Variants in EEFSEC observed in about 807,000 individuals in gnomAD.
EEFSEC encodes the protein selenocysteine-specific elongation factor.
EEFSEC carries 43 observed loss-of-function variants against 42.1 expected under a neutral mutation model. That is an observed-to-expected ratio of 1.02 (90% CI 0.80 to 1.32). The LOEUF is 1.32. EEFSEC is among the 40% of genes most tolerant of loss of function. The probability of loss-of-function intolerance (pLI) is 0.00; values close to 1 mark genes in which losing one functional copy is unlikely to be tolerated. For synonymous variants in EEFSEC, 354 were observed against 339.1 expected, an observed-to-expected ratio of 1.04 and a Z score of -0.48; for missense variants, 745 against 803.6, an observed-to-expected ratio of 0.93 and a Z score of 0.88.
chr3:128,197,345 A>G (rs1406885016), intron 1 of EEFSEC, among the ~76,000 whole-genome samples: 2 of 152,124 alleles, frequency 1.3e-5, no homozygotes, highest in African/African-American at 4.8e-5. Context: ...ATCTCGGCTC[A>G]CTGCAACCTC....
intron 4 of EEFSEC, among the ~76,000 whole-genome samples, chr3:128,294,849 G>A (rs1178670932): frequency 6.6e-6 from 1 of 152,208 alleles, no homozygotes; most frequent in Non-Finnish European, 1.5e-5. Flanking sequence ...GTTCGAATTA[G>A]AATTGTCATG....
At chr3:128,400,836 C>G in intron 6 of EEFSEC, among the ~76,000 whole-genome samples, 1 of 152,236 alleles carries the variant, frequency 6.6e-6, no homozygotes, top group East Asian at 1.9e-4. Flanking sequence ...TTACCCCAGC[C>G]CAAGCCAGGA....
chr3:128,394,016 G>T (rs561411530), intron 6 of EEFSEC, among the ~76,000 whole-genome samples: 13 of 152,304 alleles, frequency 8.5e-5, no homozygotes, highest in African/African-American at 2.9e-4. Context: ...GCGGTGGCGG[G>T]GGCGGGGGGT....
intron 6 of EEFSEC, among the ~76,000 whole-genome samples, chr3:128,399,099 T>TAAATA (rs200688144): frequency 4.1e-4 from 49 of 120,824 alleles, no homozygotes; most frequent in Non-Finnish European, 6.7e-4. Flanking sequence ...AATAAATAAA[T>TAAATA]AAATAAAATA....
chr3:128,212,928 G>A (rs2065773842), intron 1 of EEFSEC, among the ~76,000 whole-genome samples: 1 of 152,242 alleles, frequency 6.6e-6, no homozygotes, highest in Non-Finnish European at 1.5e-5. Context: ...CTTCCTGGGA[G>A]CATGGCAGCC....
chr3:128,376,703 G>A (rs1261466057), intron 6 of EEFSEC, among the ~76,000 whole-genome samples: 2 of 152,168 alleles, frequency 1.3e-5, no homozygotes, highest in East Asian at 3.9e-4. Flanking sequence ...ACTGACTTGT[G>A]TGGTGGAAAG....
intron 4 of EEFSEC, among the ~76,000 whole-genome samples, chr3:128,339,316 C>A: frequency 6.6e-6 from 1 of 152,294 alleles, no homozygotes; most frequent in Middle Eastern, 3.4e-3. Context: ...AACACACTCT[C>A]CCTTTATCCA....
chr3:128,155,582 AC>A (rs1484976539), intron 1 of EEFSEC, among the ~76,000 whole-genome samples: 1 of 152,162 alleles, frequency 6.6e-6, no homozygotes, highest in African/African-American at 2.4e-5. Flanking sequence ...CTCACTGCTG[AC>A]CCCAGTACCT....
intron 5 of EEFSEC, among the ~76,000 whole-genome samples, chr3:128,345,027 G>C (rs2067296520): frequency 6.6e-6 from 1 of 152,194 alleles, no homozygotes; most frequent in South Asian, 2.1e-4. Context: ...CAGGGGCTCA[G>C]CCATCCGACA....
chr3:128,181,907 G>A (rs183341042), intron 1 of EEFSEC, among the ~76,000 whole-genome samples: 90 of 152,238 alleles, frequency 5.9e-4, no homozygotes, highest in African/African-American at 9.4e-4. Flanking sequence ...TCCGCCTCCC[G>A]GGTTCAAGCG....
chr3:128,301,325 T>C (rs979123553), intron 4 of EEFSEC, among the ~76,000 whole-genome samples: 1 of 152,204 alleles, frequency 6.6e-6, no homozygotes, highest in African/African-American at 2.4e-5. Flanking sequence ...GGGCAGCTCC[T>C]ACCCATATGT....
chr3:128,312,448 C>T (rs2066899792), intron 4 of EEFSEC, among the ~76,000 whole-genome samples: 1 of 152,250 alleles, frequency 6.6e-6, no homozygotes, highest in Non-Finnish European at 1.5e-5. Context: ...ATCCCACCGC[C>T]TTTGTGTCAC....
chr3:128,370,723 G>C (rs1470505866), intron 6 of EEFSEC, among the ~76,000 whole-genome samples: 1 of 152,248 alleles, frequency 6.6e-6, no homozygotes, highest in African/African-American at 2.4e-5. Flanking sequence ...ACAGAGGACT[G>C]GCTCTAGGCC....
In EEFSEC at chr3:128,172,403, G is replaced by T. The variant is rs1016623349; in HGVS notation, c.316+18580G>T. On this transcript the variant is annotated intron_variant, in intron 1 of 6. Transcript: ENST00000254730. Reference sequence around the variant, plus strand: ...ATGCAGATGATTATCTCACAGGGTGGTTGCATCAAAGATGTCCATAAATAA... The same window carrying T: ...ATGCAGATGATTATCTCACAGGGTGTTTGCATCAAAGATGTCCATAAATAA... Among the ~76,000 whole-genome samples the T allele has an allele frequency of 1.4e-4, 22 of 152,226 alleles. 1 individual carries two copies. Among genetic ancestry groups the T allele is most frequent in the African/African-American group, 4.8e-5 (2 of 41,448 alleles).
intron 1 of EEFSEC, among the ~76,000 whole-genome samples, chr3:128,222,339 A>AT (rs907905596): frequency 1.3e-4 from 20 of 151,474 alleles, no homozygotes; most frequent in African/African-American, 2.7e-4. Context: ...AGCTTAAAGT[A>AT]TTTTTTTTTA....
chr3:128,294,202 G>A (rs994256466), intron 4 of EEFSEC, among the ~76,000 whole-genome samples: 2 of 152,188 alleles, frequency 1.3e-5, no homozygotes, highest in African/African-American at 4.8e-5. Flanking sequence ...TACCTGGTGA[G>A]GCCCAGATAT....
intron 4 of EEFSEC, among the ~76,000 whole-genome samples, chr3:128,303,906 C>G (rs537763275): frequency 6.6e-6 from 1 of 152,294 alleles, no homozygotes; most frequent in East Asian, 1.9e-4. Flanking sequence ...ACTAGTAGCA[C>G]CAGCACCACT....
intron 5 of EEFSEC, among the ~76,000 whole-genome samples, chr3:128,353,487 G>T (rs545924431): frequency 6.6e-6 from 1 of 152,202 alleles, no homozygotes. Flanking sequence ...ATAACCTGGT[G>T]GGGGCTGGGG....
At chr3:128,234,435 G>A (rs1179983338) in intron 1 of EEFSEC, among the ~76,000 whole-genome samples, 3 of 152,230 alleles carry the variant, frequency 2.0e-5, no homozygotes, top group East Asian at 1.9e-4. Flanking sequence ...TAGGACTCCC[G>A]TATGCCCATC....
Sources: gnomAD v4.1 joint callset for allele counts (sites outside exome capture counted in the v4.1 genomes callset) on GRCh38, gnomAD v4.1.1 for gene constraint, MANE v1.5 for transcripts, NCBI Gene and HGNC (gene_info 2026-07-23, HGNC 2026-07-21) for gene names.